The following HPCAL4 variants were observed in gnomAD, a reference collection of about 807,000 sequenced individuals.
HPCAL4 encodes the protein hippocalcin-like protein 4.
HPCAL4 carries 16 observed loss-of-function variants against 18.2 expected under a neutral mutation model. The ratio of observed to expected loss-of-function variants is 0.88; its 90% CI spans 0.59 to 1.33. HPCAL4 has a LOEUF of 1.33. Among genes scored for constraint, HPCAL4 ranks in the 40% most tolerant of loss-of-function variants. HPCAL4 has a pLI of 0.00. For synonymous variants in HPCAL4, 80 were observed against 97.5 expected, an observed-to-expected ratio of 0.82 and a Z score of 1.06; for missense variants, 214 against 256.6, an observed-to-expected ratio of 0.83 and a Z score of 1.14.
rs759823943 is a variant in HPCAL4 at position 39,684,069 on chromosome 1, G to A, written c.246C>T (p.Phe82=). Residue 82 remains phenylalanine (F), a synonymous_variant, in exon 3 of 4, where the codon TTC becomes TTT. Coordinates refer to ENST00000372844, the MANE Select transcript of HPCAL4 (RefSeq NM_016257.4). The part of the protein sequence containing the change: ...FDKNGDGTID[F]REFICALSVT... The stretch of plus-strand genomic sequence containing the variant: ...CCGACAGGGCGCAGATGAACTCCCG[G>A]AAGTCGATGGTGCCGTCGCCGTTCT... 5 of 1,614,016 alleles carry A rather than the reference G, an allele frequency of 3.1e-6. No homozygotes were observed. Among genetic ancestry groups the A allele is most frequent in the South Asian group, 2.2e-5 (2 of 91,092 alleles).
intron 2 of HPCAL4, 29 bp from the exon 3 acceptor site, chr1:39,684,181 A>T: frequency 6.4e-7 from 1 of 1,552,332 alleles, no homozygotes; most frequent in Non-Finnish European, 8.8e-7. Context: ...GTTGGGGCGC[A>T]GCGACAGCCC....
In HPCAL4 at chr1:39,682,253, C is replaced by A. The variant is rs144909249; in HGVS notation, c.*283G>T. Reference sequence around the variant, plus strand: ...CCAGGCCCCCAACTCCTTAACCTCACCTCCTGGGGCAAAAGCCAACTCCCC... The same window carrying A: ...CCAGGCCCCCAACTCCTTAACCTCAACTCCTGGGGCAAAAGCCAACTCCCC... On this transcript the variant is annotated 3_prime_UTR_variant, in exon 4 of 4. Transcript: ENST00000372844. The A allele has an allele frequency of 5.6e-4, 242 of 434,152 alleles. No homozygotes were observed. The highest frequency in any genetic ancestry group is 4.4e-3 in the African/African-American group (222 of 50,500). The allele number at this position is 434,152 out of a possible 1,614,324, so 26.9% of individuals were successfully genotyped here.
Position 39,682,242 on chromosome 1 carries a change from C to A in HPCAL4, c.*294G>T. ...TAACCAGAACCCCAGGCCCCCAACT[C>A]CTTAACCTCACCTCCTGGGGCAAAA... On this transcript the variant is annotated 3_prime_UTR_variant, in exon 4 of 4. Coordinates refer to ENST00000372844, the MANE Select transcript of HPCAL4 (RefSeq NM_016257.4). 4.8e-6 allele frequency: 2 copies of A among 414,322 alleles called. No homozygotes were observed. Among genetic ancestry groups the A allele is most frequent in the Non-Finnish European group, 9.0e-6 (2 of 223,216 alleles). The allele number at this position is 414,322 out of a possible 1,614,324, so 25.7% of individuals were successfully genotyped here.
At position 39,684,630 on chromosome 1, in the gene HPCAL4, C is replaced by T. The variant is rs1646658786; in HGVS notation, c.-8-19G>A. On this transcript the variant is annotated intron_variant, in intron 1 of 3. Coordinates refer to ENST00000372844, the MANE Select transcript of HPCAL4 (RefSeq NM_016257.4). Reference sequence around the variant, plus strand: ...GCGGGGCCTGTGGGACAGAGGGATTCCTCCGACTGGGTCCAGGGAAAGGCC... The same window carrying T: ...GCGGGGCCTGTGGGACAGAGGGATTTCTCCGACTGGGTCCAGGGAAAGGCC... 4 of 1,551,220 alleles carry T rather than the reference C, an allele frequency of 2.6e-6. No homozygotes were observed. Among genetic ancestry groups the T allele is most frequent in the Non-Finnish European group, 3.5e-6 (4 of 1,150,614 alleles).
chr1:39,682,541 T>C lies in HPCAL4; in HGVS notation c.571A>G (p.Lys191Glu), dbSNP rs1646635334. The C allele has an allele frequency of 6.2e-7, 1 of 1,614,046 alleles. No homozygotes were observed. Among genetic ancestry groups the C allele is most frequent in the South Asian group, 1.1e-5 (1 of 91,086 alleles). ...ACCCTGCCCCTCACCAGCTTCTACT[T>C]CTGCATGTCACACTGCAGCAGCAAC... ...IVLLLQCDMQK is the reference protein window; with the variant it reads ...IVLLLQCDMQE The change falls in exon 4 of 4, where the codon AAG becomes GAG. Residue 191 changes from lysine (K) to glutamate (E), a missense_variant. Physicochemically the swap from Lys to Glu is moderately conservative, Grantham distance 56. Transcript: ENST00000372844.
In HPCAL4 at chr1:39,685,695, C is replaced by T. The variant is rs12026733; in HGVS notation, c.-8-1084G>A. Among the ~76,000 whole-genome samples, 1,170 of 152,008 alleles carry T rather than the reference C, an allele frequency of 7.7e-3. 25 individuals are homozygous for T. Among genetic ancestry groups the T allele is most frequent in the Admixed American group, 0.051 (774 of 15,274 alleles). On this transcript the variant is annotated intron_variant, in intron 1 of 3. Transcript: ENST00000372844. ...GTGATCAAGACCATCCTGGCTAACA[C>T]GGTGAAACCCTGTCTCTACTACAAA...
chr1:39,690,815 G>T (rs913763133), intron 1 of HPCAL4, among the ~76,000 whole-genome samples: 3 of 151,832 alleles, frequency 2.0e-5, no homozygotes, highest in African/African-American at 7.3e-5. Flanking sequence ...AGGAGGGAGC[G>T]CTCTGTGGAG....
chr1:39,686,508 G>T lies in HPCAL4; in HGVS notation c.-8-1897C>A, dbSNP rs527698674. ...TGGAGAGACGTGGATGGGCTGAGAC[G>T]TTAAGAAGGGCACTGGCAGGACTTT... On this transcript the variant is annotated intron_variant, in intron 1 of 3. Coordinates refer to ENST00000372844, the MANE Select transcript of HPCAL4 (RefSeq NM_016257.4). Among the ~76,000 whole-genome samples, 11 of 152,322 alleles carry T rather than the reference G, an allele frequency of 7.2e-5. No individual in the cohort carries two copies. In the East Asian group the frequency reaches 2.1e-3, roughly 29 times the overall value.
rs764841879 is a variant in HPCAL4, at chr1:39,684,106, C to T, written c.209G>A (p.Arg70His). The T allele has an allele frequency of 5.0e-6, 8 of 1,613,728 alleles. No individual in the cohort carries two copies. The Admixed American group carries it at 5.0e-5, about 10-fold the overall frequency. The change falls in exon 3 of 4, where the codon CGC becomes CAC. Residue 70 changes from arginine (R) to histidine (H), a missense_variant. Transcript: ENST00000372844. ...GCCGTCGCCGTTCTTGTCGAAGGTG[C>T]GGAAAGCGTGCTGCGCGAACTTGGA... is the stretch of plus-strand genomic sequence containing the variant. ...DASKFAQHAFRTFDKNGDGTI... is the reference protein window; with the variant it reads ...DASKFAQHAFHTFDKNGDGTI...
rs1311116383 is a variant in HPCAL4 at position 39,679,356 on chromosome 1, A to G, written c.*3180T>C. 6.6e-6 allele frequency: 1 copy of G among 152,214 alleles called. No homozygotes were observed. Among genetic ancestry groups the G allele is most frequent in the Non-Finnish European group, 1.5e-5 (1 of 68,046 alleles). The allele number at this position is 152,214 out of a possible 1,614,324, so 9.4% of individuals were successfully genotyped here. ...TATACAGGTAAGTTAAATAATCCTGACTACAGCTGAAAGGACTAAAGTGGC... is the reference window on the plus strand; with the variant it reads ...TATACAGGTAAGTTAAATAATCCTGGCTACAGCTGAAAGGACTAAAGTGGC... On this transcript the variant is annotated 3_prime_UTR_variant, in exon 4 of 4. Transcript: ENST00000372844.
At chr1:39,682,858 G>A (rs1646638633) in intron 3 of HPCAL4, 125 bp from the exon 4 acceptor site, 2 of 687,740 alleles carry the variant, frequency 2.9e-6, no homozygotes, top group Non-Finnish European at 5.1e-6. Flanking sequence ...GGTATATGTG[G>A]TCATTAAGAC....
intron 3 of HPCAL4, among the ~76,000 whole-genome samples, chr1:39,683,681 C>A (rs1016266530): frequency 3.9e-5 from 6 of 152,248 alleles, no homozygotes; most frequent in African/African-American, 1.2e-4. Context: ...GCTATGAGGT[C>A]AGACTCCCTG....
At position 39,679,731 on chromosome 1, in the gene HPCAL4, C is replaced by T. The variant is rs1646609039; in HGVS notation, c.*2805G>A. ...CCTGAGCACACAGTCCCTGGGACAC[C>T]CAGGAGTATGCAGGAGCATGTCCTG... On this transcript the variant is annotated 3_prime_UTR_variant, in exon 4 of 4. Transcript: ENST00000372844. 1 of 152,164 alleles carries T rather than the reference C, an allele frequency of 6.6e-6. No individual in the cohort carries two copies. The highest frequency in any genetic ancestry group is 2.4e-5 in the African/African-American group (1 of 41,422). The allele number at this position is 152,164 out of a possible 1,614,324, so 9.4% of individuals were successfully genotyped here.
intron 3 of HPCAL4, among the ~76,000 whole-genome samples, chr1:39,683,208 A>G (rs1461673264): frequency 1.3e-5 from 2 of 152,174 alleles, no homozygotes; most frequent in Non-Finnish European, 2.9e-5. Context: ...TATTTAGACT[A>G]AATAATATTT....
In HPCAL4 at chr1:39,679,168, C is replaced by G. The variant is rs1363047895; in HGVS notation, c.*3368G>C. ...AAAATATTTAGTGTCAGCTTACTAC[C>G]CTGCCTGGAGACCCCAGCTTCTTCT... On this transcript the variant is annotated 3_prime_UTR_variant, in exon 4 of 4. Transcript: ENST00000372844. 1 of 145,584 alleles carries G rather than the reference C, an allele frequency of 6.9e-6. No homozygotes were observed. The highest frequency in any genetic ancestry group is 1.5e-5 in the Non-Finnish European group (1 of 66,084). The allele number at this position is 145,584 out of a possible 1,614,324, so 9.0% of individuals were successfully genotyped here. A position where few individuals can be genotyped will look rare whatever the true frequency, so the allele number is the denominator to read the frequency against.
rs534174269 is a variant in HPCAL4, at chr1:39,688,382, A to AT, written c.-9+2923dup. Among the ~76,000 whole-genome samples, 898 of 151,772 alleles carry AT rather than the reference A, an allele frequency of 5.9e-3. 9 individuals carry two copies. The highest frequency in any genetic ancestry group is 0.021 in the African/African-American group (874 of 41,358). On this transcript the variant is annotated intron_variant, in intron 1 of 3. Transcript: ENST00000372844. The stretch of plus-strand genomic sequence containing the variant: ...GGGGAACACAATCTTAGTTACCTTC[A>AT]TTTTTTCCCTTCCCTTTGCCCTAGG...
At chr1:39,684,397 C>A in intron 2 of HPCAL4, 45 bp downstream of exon 2, 1 of 1,319,290 alleles carries the variant, frequency 7.6e-7, no homozygotes, top group Non-Finnish European at 9.7e-7. Context: ...TCGCCTCCCC[C>A]AACCCGGGTA....
Position 39,682,944 on chromosome 1 carries a change from C to T in HPCAL4, c.379-211G>A, listed in dbSNP as rs576031217. Among the ~76,000 whole-genome samples the T allele has an allele frequency of 2.6e-5, 4 of 152,062 alleles. No individual in the cohort carries two copies. In the East Asian group the frequency reaches 7.7e-4, roughly 29 times the overall value. ...TGTTGCCCAGGATGGAGTGCAATGG[C>T]GCGATCTCGGCTTACTGCAACCTCT... On this transcript the variant is annotated intron_variant, in intron 3 of 3. Coordinates refer to ENST00000372844, the MANE Select transcript of HPCAL4 (RefSeq NM_016257.4).
chr1:39,686,898 A>G (rs1646679894), intron 1 of HPCAL4, among the ~76,000 whole-genome samples: 1 of 151,912 alleles, frequency 6.6e-6, no homozygotes, highest in Non-Finnish European at 1.5e-5. Context: ...CCTGTCCTCA[A>G]GATACTCTGG....
Sources: allele counts gnomAD v4.1 joint callset (sites outside exome capture counted in the v4.1 genomes callset), GRCh38; gene constraint gnomAD v4.1.1; transcripts MANE v1.5; gene names NCBI Gene and HGNC (gene_info 2026-07-23, HGNC 2026-07-21).